The following PLCXD2 variants were observed in gnomAD, a reference collection of about 807,000 sequenced individuals.
PLCXD2 encodes the protein PI-PLC X domain-containing protein 2.
A neutral mutation model predicts 28.6 loss-of-function variants in PLCXD2; 21 were observed. The ratio of observed to expected loss-of-function variants is 0.73; its 90% CI spans 0.52 to 1.06. PLCXD2 has a LOEUF of 1.06. PLCXD2 is among the 50% of genes least tolerant of loss of function. The pLI, the probability that PLCXD2 is intolerant of heterozygous loss-of-function variation, is 0.00. For synonymous variants in PLCXD2, 140 were observed against 150.1 expected, an observed-to-expected ratio of 0.93 and a Z score of 0.49; for missense variants, 369 against 376.7, an observed-to-expected ratio of 0.98 and a Z score of 0.17.
chr3:111,701,680 T>G (rs1216986920), intron 1 of PLCXD2, among the ~76,000 whole-genome samples: 2 of 152,156 alleles, frequency 1.3e-5, no homozygotes, highest in East Asian at 3.9e-4. Flanking sequence ...TTTGGGTGGT[T>G]TTTGGTACTA....
At chr3:111,675,739 T>A (rs1314008882) in intron 1 of PLCXD2, among the ~76,000 whole-genome samples, 1 of 152,184 alleles carries the variant, frequency 6.6e-6, no homozygotes, top group Non-Finnish European at 1.5e-5. Context: ...TTAAATCACT[T>A]GAAGGGGAAA....
intron 1 of PLCXD2, among the ~76,000 whole-genome samples, chr3:111,699,316 G>A (rs563025608): frequency 2.8e-4 from 43 of 152,264 alleles, no homozygotes; most frequent in African/African-American, 9.4e-4. Flanking sequence ...TGTGTGTTTT[G>A]AATTCTTTTT....
At chr3:111,707,617 G>A (rs1941138788) in intron 1 of PLCXD2, among the ~76,000 whole-genome samples, 1 of 152,148 alleles carries the variant, frequency 6.6e-6, no homozygotes, top group Non-Finnish European at 1.5e-5. Context: ...CAAATTGTAT[G>A]AATATTTTAA....
Position 111,700,884 on chromosome 3 carries a change from G to A in PLCXD2, c.164-7042G>A, listed in dbSNP as rs556600061. ...CAGAATATAAAAGTCAGGTTGCAGCGTGGCAGAAGTAAAGAAACTTGTGAT... is the reference window on the plus strand; with the variant it reads ...CAGAATATAAAAGTCAGGTTGCAGCATGGCAGAAGTAAAGAAACTTGTGAT... On this transcript the variant is annotated intron_variant, in intron 1 of 4. Coordinates refer to ENST00000477665, the MANE Select transcript of PLCXD2 (RefSeq NM_001185106.1). Among the ~76,000 whole-genome samples, 11 of 152,228 alleles carry A rather than the reference G, an allele frequency of 7.2e-5. No individual in the cohort carries two copies. In the East Asian group the frequency reaches 1.5e-3, roughly 21 times the overall value.
intron 1 of PLCXD2, among the ~76,000 whole-genome samples, chr3:111,692,086 T>G (rs1188755706): frequency 6.6e-6 from 1 of 152,210 alleles, no homozygotes; most frequent in African/African-American, 2.4e-5. Flanking sequence ...CTGTCGCCCA[T>G]GCTGGAGTGC....
chr3:111,682,695 G>C (rs535548958), intron 1 of PLCXD2, among the ~76,000 whole-genome samples: 10 of 152,288 alleles, frequency 6.6e-5, no homozygotes, highest in South Asian at 4.1e-4. Flanking sequence ...TATTTTTAAA[G>C]TGCGATTGAA....
intron 2 of PLCXD2, among the ~76,000 whole-genome samples, chr3:111,712,318 G>T (rs190290130): frequency 1.1e-3 from 164 of 152,320 alleles, no homozygotes; most frequent in Non-Finnish European, 1.6e-3. Flanking sequence ...GCAGGCCCAA[G>T]ATGTGTCTGA....
chr3:111,687,668 T>TTTTC (rs1205992735), intron 1 of PLCXD2, among the ~76,000 whole-genome samples: 1 of 148,504 alleles, frequency 6.7e-6, no homozygotes, highest in Non-Finnish European at 1.5e-5. Flanking sequence ...TTTATGGGTT[T>TTTTC]TTTCTTTCTT....
At chr3:111,725,033 C>T (rs1262842727) in intron 3 of PLCXD2, 1 of 152,198 alleles carries the variant, frequency 6.6e-6, no homozygotes, top group Non-Finnish European at 1.5e-5. Flanking sequence ...GGTGGAAAAG[C>T]TGCTTGGGCT....
chr3:111,699,221 C>T (rs1359342971), intron 1 of PLCXD2, among the ~76,000 whole-genome samples: 1 of 152,220 alleles, frequency 6.6e-6, no homozygotes, highest in African/African-American at 2.4e-5. Flanking sequence ...TAACTCTTGT[C>T]TCAATCTTCC....
At chr3:111,721,939 T>A (rs1941351531) in intron 3 of PLCXD2, 1 of 152,204 alleles carries the variant, frequency 6.6e-6, no homozygotes, top group South Asian at 2.1e-4. Flanking sequence ...CCAAGTGGAT[T>A]TGGAGCCATT....
At chr3:111,685,849 T>C (rs1201500833) in intron 1 of PLCXD2, among the ~76,000 whole-genome samples, 1 of 152,194 alleles carries the variant, frequency 6.6e-6, no homozygotes, top group Non-Finnish European at 1.5e-5. Flanking sequence ...TATTGGACAA[T>C]TGAAGAAGAG....
Position 111,713,959 on chromosome 3 carries a change from C to G in PLCXD2, c.697C>G (p.Pro233Ala). ...GTGGCCAGGAAAGAAGATTCCAGCG[C>G]CCTGGGCAAACACCACAAGTGTGCG... The change falls in exon 3 of 5, where the codon CCC becomes GCC. Residue 233 changes from proline to alanine, a missense_variant. Transcript: ENST00000477665. 1 of 1,614,138 alleles carries G rather than the reference C, an allele frequency of 6.2e-7. No individual in the cohort carries two copies. Among genetic ancestry groups the G allele is most frequent in the Non-Finnish European group, 8.5e-7 (1 of 1,180,028 alleles).
intron 3 of PLCXD2, chr3:111,722,332 A>C (rs1941358527): frequency 6.6e-6 from 1 of 152,150 alleles, no homozygotes; most frequent in Non-Finnish European, 1.5e-5. Flanking sequence ...AGGACCACGC[A>C]TCTCAGGGCT....
chr3:111,690,627 A>G (rs1281898418), intron 1 of PLCXD2, among the ~76,000 whole-genome samples: 3 of 152,170 alleles, frequency 2.0e-5, no homozygotes, highest in Admixed American at 6.5e-5. Context: ...TAATGTACAA[A>G]TTCCCTTTAA....
chr3:111,681,345 CAG>C (rs1940711525), intron 1 of PLCXD2, among the ~76,000 whole-genome samples: 1 of 152,222 alleles, frequency 6.6e-6, no homozygotes, highest in Non-Finnish European at 1.5e-5. Context: ...GGGAAAAACT[CAG>C]CCCTCTGTGA....
Position 111,675,117 on chromosome 3 carries a change from C to A in PLCXD2, c.-129C>A. ...GGATCCATCTGTTTGCCCCGTCCCC[C>A]AGCCAGAAAGGCATTTTGGAAAGAC... On this transcript the variant is annotated 5_prime_UTR_variant, in exon 1 of 5. Transcript: ENST00000477665. The A allele has an allele frequency of 8.8e-7, 1 of 1,133,338 alleles. No homozygotes were observed. 70.2% of individuals were successfully genotyped at this position (1,133,338 alleles called of 1,614,324 possible). A position where few individuals can be genotyped will look rare whatever the true frequency, so the allele number is the denominator to read the frequency against.
intron 1 of PLCXD2, among the ~76,000 whole-genome samples, chr3:111,701,021 A>G (rs992864431): frequency 6.6e-6 from 1 of 152,232 alleles, no homozygotes. Context: ...CTAAGTTTTC[A>G]TCTCCATGTC....
chr3:111,721,927 C>G (rs1388232837), intron 3 of PLCXD2: 1 of 152,222 alleles, frequency 6.6e-6, no homozygotes, highest in East Asian at 1.9e-4. Flanking sequence ...AAGGAGGAAG[C>G]TCCAAGTGGA....
Sources: allele counts gnomAD v4.1 joint callset (sites outside exome capture counted in the v4.1 genomes callset), GRCh38; gene constraint gnomAD v4.1.1; transcripts MANE v1.5; gene names NCBI Gene and HGNC (gene_info 2026-07-23, HGNC 2026-07-21).